The following CFAP299 variants were observed in gnomAD, a reference collection of about 807,000 sequenced individuals.
CFAP299 encodes the protein cilia- and flagella-associated protein 299.
Under a neutral mutation model 27.0 loss-of-function variants are expected in CFAP299, and 21 were observed. The ratio of observed to expected loss-of-function variants is 0.78; its 90% confidence interval spans 0.55 to 1.12. The LOEUF is 1.12. CFAP299 is among the 50% of genes most tolerant of loss of function. CFAP299 has a pLI of 0.00. For synonymous variants in CFAP299, 104 were observed against 98.1 expected (o/e 1.06, Z -0.36); for missense variants, 310 against 276.6 (o/e 1.12, Z -0.86).
At chr4:80,903,174 G>A (rs891921961) in intron 4 of CFAP299, among the ~76,000 whole-genome samples, 2 of 151,978 alleles carry the variant, frequency 1.3e-5, no homozygotes, top group Non-Finnish European at 2.9e-5. Context: ...TTTGATGACT[G>A]TTGCTGCACT....
At chr4:80,518,308 C>T (rs557418512) in intron 2 of CFAP299, among the ~76,000 whole-genome samples, 1 of 152,186 alleles carries the variant, frequency 6.6e-6, no homozygotes, top group Non-Finnish European at 1.5e-5. Context: ...AGCCAGAGCA[C>T]TACATAAGCC....
intron 2 of CFAP299, among the ~76,000 whole-genome samples, chr4:80,549,481 C>T (rs907923260): frequency 2.0e-5 from 3 of 152,124 alleles, no homozygotes; most frequent in Admixed American, 6.6e-5. Context: ...AACAGATGTT[C>T]TCTGAAAAGA....
chr4:80,871,561 T>G, intron 4 of CFAP299: 3 of 985,462 alleles, frequency 3.0e-6, no homozygotes, highest in Non-Finnish European at 3.6e-6. Context: ...TCACCTGTCT[T>G]GGCAAATGGC....
chr4:80,490,926 A>T (rs1208773180), intron 2 of CFAP299, among the ~76,000 whole-genome samples: 1 of 151,848 alleles, frequency 6.6e-6, no homozygotes, highest in Non-Finnish European at 1.5e-5. Context: ...GAACAGGATT[A>T]TGTGTGTGTG....
At chr4:80,468,284 C>T (rs941499220) in intron 2 of CFAP299, among the ~76,000 whole-genome samples, 7 of 150,934 alleles carry the variant, frequency 4.6e-5, no homozygotes, top group Admixed American at 3.9e-4. Context: ...CACTGGCTGG[C>T]CTGACCTCGG....
rs376916169 is a variant in CFAP299 at position 80,863,088 on chromosome 4, G to A, written c.334-6905G>A. 7.9e-5 allele frequency among the ~76,000 whole-genome samples: 12 copies of A among 152,156 alleles called. No homozygotes were observed. The South Asian group carries it at 1.9e-3, about 24-fold the overall frequency. On this transcript the variant is annotated intron_variant, in intron 3 of 5. Coordinates refer to ENST00000358105, the MANE Select transcript of CFAP299 (RefSeq NM_152770.3). ...TTCCTTCATTTGTCTCTATCAGAGA[G>A]CACACTGACAGTCTGCTCTCTGGGT...
intron 2 of CFAP299, among the ~76,000 whole-genome samples, chr4:80,553,580 C>A (rs1578589858): frequency 6.6e-6 from 1 of 152,288 alleles, no homozygotes; most frequent in East Asian, 1.9e-4. Context: ...GAGGAATCAC[C>A]ATACTGCTTT....
intron 2 of CFAP299, among the ~76,000 whole-genome samples, chr4:80,406,964 C>T (rs966542794): frequency 4.6e-5 from 7 of 151,966 alleles, no homozygotes; most frequent in African/African-American, 1.7e-4. Flanking sequence ...CTGGGCAATA[C>T]CATTTCTACA....
chr4:80,701,564 T>C (rs1683954), intron 3 of CFAP299, among the ~76,000 whole-genome samples: 1 of 151,952 alleles, frequency 6.6e-6, no homozygotes, highest in Non-Finnish European at 1.5e-5. Context: ...TCTACACTGG[T>C]TTTAGGCATG....
At chr4:80,766,197 A>G (rs538254292) in intron 3 of CFAP299, among the ~76,000 whole-genome samples, 6 of 152,248 alleles carry the variant, frequency 3.9e-5, no homozygotes, top group African/African-American at 1.4e-4. Context: ...AACTCCAATC[A>G]CCTATAAAGT....
intron 2 of CFAP299, among the ~76,000 whole-genome samples, chr4:80,576,193 A>ATATATATATATAT (rs1264207681): frequency 3.4e-3 from 112 of 33,214 alleles, no homozygotes; most frequent in African/African-American, 8.5e-3. Flanking sequence ...ATAATAAAAA[A>ATATATATATATAT]AAAAATATAT....
rs1043709424 is a variant in CFAP299 at position 80,727,695 on chromosome 4, CTT to C, written c.334-142295_334-142294del. ...GAATTAAATAAATGATATCTATTAA[CTT>C]TTGTTTTCATAGCTAATTATTATTA... On this transcript the variant is annotated intron_variant, in intron 3 of 5. Coordinates refer to ENST00000358105, the MANE Select transcript of CFAP299 (RefSeq NM_152770.3). Among the ~76,000 whole-genome samples, 11 of 152,088 alleles carry C rather than the reference CTT, an allele frequency of 7.2e-5. No individual in the cohort carries two copies. In the South Asian group the frequency reaches 1.5e-3, roughly 20 times the overall value.
chr4:80,621,727 T>A (rs74980272), intron 3 of CFAP299, among the ~76,000 whole-genome samples: 56 of 152,286 alleles, frequency 3.7e-4, no homozygotes, highest in African/African-American at 1.3e-3. Flanking sequence ...ATATAGTAAA[T>A]GCTTCAACAA....
intron 3 of CFAP299, among the ~76,000 whole-genome samples, chr4:80,689,707 G>A (rs1720516413): frequency 1.3e-5 from 2 of 152,262 alleles, no homozygotes; most frequent in Non-Finnish European, 2.9e-5. Context: ...AACTTTAAAT[G>A]TAAATGGACT....
At chr4:80,387,094 G>A (rs1725052957) in intron 2 of CFAP299, 3 of 1,445,816 alleles carry the variant, frequency 2.1e-6, no homozygotes, top group South Asian at 1.1e-5. Flanking sequence ...TGCAGGTGAT[G>A]CTCCAGGGCC....
intron 2 of CFAP299, among the ~76,000 whole-genome samples, chr4:80,554,623 A>G (rs1409030383): frequency 6.9e-6 from 1 of 145,310 alleles, no homozygotes; most frequent in Non-Finnish European, 1.5e-5. Context: ...GATTCTTTCT[A>G]TCCATAAGCA....
At chr4:80,570,007 A>G (rs1171046753) in intron 2 of CFAP299, among the ~76,000 whole-genome samples, 2 of 152,030 alleles carry the variant, frequency 1.3e-5, no homozygotes, top group Non-Finnish European at 2.9e-5. Flanking sequence ...AAGAAAGGAT[A>G]AGAGTTCTTT....
intron 4 of CFAP299, among the ~76,000 whole-genome samples, chr4:80,877,369 T>A (rs1733443661): frequency 1.3e-5 from 2 of 152,322 alleles, no homozygotes; most frequent in Non-Finnish European, 2.9e-5. Flanking sequence ...ATATAACCCA[T>A]AAACTAGGAC....
At chr4:80,398,113 A>T (rs1239754041) in intron 2 of CFAP299, among the ~76,000 whole-genome samples, 1 of 152,208 alleles carries the variant, frequency 6.6e-6, no homozygotes, top group Non-Finnish European at 1.5e-5. Context: ...TAAAATACCT[A>T]GGAATCCAAC....
Sources: gnomAD v4.1 joint callset for allele counts (sites outside exome capture counted in the v4.1 genomes callset) on GRCh38, gnomAD v4.1.1 for gene constraint, MANE v1.5 for transcripts, NCBI Gene and HGNC (gene_info 2026-07-23, HGNC 2026-07-21) for gene names.